The following IL1RAPL2 variants were observed in gnomAD, a reference collection of about 807,000 sequenced individuals.
IL1RAPL2 encodes X-linked interleukin-1 receptor accessory protein-like 2.
IL1RAPL2 carries 3 observed loss-of-function variants against 44.1 expected under a neutral mutation model. That is an observed-to-expected ratio of 0.07 (90% CI 0.03 to 0.18). The LOEUF (loss-of-function observed/expected upper bound fraction) is 0.18. Among genes scored for constraint, IL1RAPL2 ranks in the 10% least tolerant of loss-of-function variants. The pLI is 1.00. For synonymous variants in IL1RAPL2, 181 were observed against 178.8 expected, an observed-to-expected ratio of 1.01 and a Z score of -0.10; for missense variants, 391 against 496.4, an observed-to-expected ratio of 0.79 and a Z score of 2.02.
chrX:104,647,667 C>G, intron 1 of IL1RAPL2: 1 of 548,379 alleles, frequency 1.8e-6, no homozygotes. Context: ...TCATAGTCCT[C>G]TCTGATGCTG....
intron 2 of IL1RAPL2, among the ~76,000 whole-genome samples, chrX:105,150,048 C>T (rs965659350): frequency 9.1e-6 from 1 of 110,216 alleles, no homozygotes; most frequent in African/African-American, 3.3e-5. Context: ...TTTACTTCTT[C>T]ACAGTAACAT....
At chrX:104,692,425 T>C (rs1283280272) in intron 2 of IL1RAPL2, among the ~76,000 whole-genome samples, 2 of 109,887 alleles carry the variant, frequency 1.8e-5, no homozygotes, top group African/African-American at 6.6e-5. Flanking sequence ...TATGTATACA[T>C]GTGCCATGTT....
intron 2 of IL1RAPL2, among the ~76,000 whole-genome samples, chrX:105,070,461 A>T (rs1235510540): frequency 9.0e-6 from 1 of 111,407 alleles, no homozygotes; most frequent in Admixed American, 9.6e-5. Flanking sequence ...TGGGAGGCTG[A>T]GGCAGGTGGA....
At chrX:105,679,995 C>A in intron 6 of IL1RAPL2, among the ~76,000 whole-genome samples, 1 of 110,711 alleles carries the variant, frequency 9.0e-6, no homozygotes, top group South Asian at 3.9e-4. Context: ...GGGTGAATTT[C>A]TTTCTTTCTT....
intron 2 of IL1RAPL2, among the ~76,000 whole-genome samples, chrX:105,169,703 T>A (rs1029615438): frequency 1.9e-5 from 2 of 107,327 alleles, no homozygotes; most frequent in South Asian, 8.3e-4. Flanking sequence ...TAATTTTTTT[T>A]ATTTTTAATA....
chrX:104,744,399 C>T (rs1292824462), intron 2 of IL1RAPL2, among the ~76,000 whole-genome samples: 1 of 111,381 alleles, frequency 9.0e-6, no homozygotes, highest in Non-Finnish European at 1.9e-5. Context: ...TTTGGCAATA[C>T]AGGCAGCACT....
chrX:105,671,784 G>C (rs2037826555), intron 6 of IL1RAPL2, among the ~76,000 whole-genome samples: 3 of 111,412 alleles, frequency 2.7e-5, no homozygotes, highest in Middle Eastern at 4.6e-3. Context: ...CCAATGGCTT[G>C]AATGTGAAAC....
At chrX:104,935,152 T>C (rs1249564264) in intron 2 of IL1RAPL2, among the ~76,000 whole-genome samples, 1 of 112,551 alleles carries the variant, frequency 8.9e-6, no homozygotes, top group African/African-American at 3.2e-5. Context: ...AATTTTTTGT[T>C]ATGTTTGATG....
In IL1RAPL2 at chrX:104,639,147, T is replaced by A. The variant is rs188911853; in HGVS notation, c.-19-19748T>A. 9.8e-4 allele frequency among the ~76,000 whole-genome samples: 110 copies of A among 111,965 alleles called. No homozygotes were observed. The East Asian group carries it at 0.012, about 12-fold the overall frequency. On this transcript the variant is annotated intron_variant, in intron 1 of 10. Coordinates refer to ENST00000372582, the MANE Select transcript of IL1RAPL2 (RefSeq NM_017416.2). ...TTTTTTAACTACTTTTGATTTCAAG[T>A]CTGTTTGATATAAGTATGGCTACTC...
intron 3 of IL1RAPL2, among the ~76,000 whole-genome samples, chrX:105,232,340 A>G (rs2034078685): frequency 8.9e-6 from 1 of 112,156 alleles, no homozygotes; most frequent in Non-Finnish European, 1.9e-5. Context: ...AGTGCCGATC[A>G]TTTGGTACTG....
chrX:105,339,207 G>T (rs765744168), intron 5 of IL1RAPL2, among the ~76,000 whole-genome samples: 1 of 112,181 alleles, frequency 8.9e-6, no homozygotes, highest in South Asian at 3.7e-4. Context: ...GCCCATCACT[G>T]TCAAACCCAG....
At chrX:104,974,974 C>T (rs756787652) in intron 2 of IL1RAPL2, among the ~76,000 whole-genome samples, 2 of 112,132 alleles carry the variant, frequency 1.8e-5, no homozygotes, top group Non-Finnish European at 3.8e-5. Context: ...GCTGATCTTG[C>T]GATGCTTTCT....
chrX:104,946,146 G>A (rs937195563), intron 2 of IL1RAPL2, among the ~76,000 whole-genome samples: 5 of 104,723 alleles, frequency 4.8e-5, no homozygotes, highest in Non-Finnish European at 9.7e-5. Context: ...GCCGAGGCGG[G>A]TGGATCATGA....
chrX:104,644,079 AT>A (rs1448890471), intron 1 of IL1RAPL2, among the ~76,000 whole-genome samples: 3 of 111,188 alleles, frequency 2.7e-5, no homozygotes, highest in African/African-American at 9.8e-5. Flanking sequence ...TGTTGAAAAC[AT>A]TTTTTTTAAA....
At chrX:105,578,123 C>A (rs139052551) in intron 6 of IL1RAPL2, among the ~76,000 whole-genome samples, 2 of 103,387 alleles carry the variant, frequency 1.9e-5, no homozygotes, top group Non-Finnish European at 3.9e-5. Flanking sequence ...TGAGTGAGAA[C>A]GTGCGGTGTT....
At chrX:104,599,183 T>C (rs1286339365) in intron 1 of IL1RAPL2, among the ~76,000 whole-genome samples, 1 of 112,147 alleles carries the variant, frequency 8.9e-6, no homozygotes, top group Non-Finnish European at 1.9e-5. Flanking sequence ...GATCTGTATA[T>C]AGTGTGTAGT....
chrX:104,573,987 A>G (rs1187330772), intron 1 of IL1RAPL2, among the ~76,000 whole-genome samples: 2 of 111,843 alleles, frequency 1.8e-5, no homozygotes, highest in South Asian at 3.7e-4. Context: ...AAAGATTTAA[A>G]TGTAAAAAAA....
At chrX:105,160,016 T>C (rs982727213) in intron 2 of IL1RAPL2, among the ~76,000 whole-genome samples, 2 of 93,398 alleles carry the variant, frequency 2.1e-5, no homozygotes, top group African/African-American at 8.3e-5. Context: ...TTTTTTGTGG[T>C]TGTTTGTAAC....
At chrX:105,097,594 A>C (rs2032622120) in intron 2 of IL1RAPL2, among the ~76,000 whole-genome samples, 1 of 111,386 alleles carries the variant, frequency 9.0e-6, no homozygotes, top group Non-Finnish European at 1.9e-5. Context: ...CACTTTATAA[A>C]ATTTTTCACT....
Sources: allele counts gnomAD v4.1 joint callset (sites outside exome capture counted in the v4.1 genomes callset), GRCh38; gene constraint gnomAD v4.1.1; transcripts MANE v1.5; gene names NCBI Gene and HGNC (gene_info 2026-07-23, HGNC 2026-07-21).